The following XKR4 variants were observed in gnomAD, a reference collection of about 807,000 sequenced individuals.
The protein encoded by XKR4 is XK-related protein 4.
XKR4 carries 12 observed loss-of-function variants against 53.9 expected under a neutral mutation model. The ratio of observed to expected loss-of-function variants is 0.22; its 90% confidence interval spans 0.14 to 0.36. The LOEUF is 0.36. Ranked by LOEUF, XKR4 falls within the 10% of genes least tolerant of loss-of-function variation. The probability of loss-of-function intolerance (pLI) is 1.00; values close to 1 mark genes in which losing one functional copy is unlikely to be tolerated. For missense variants in XKR4, 799 were observed against 859.5 expected, an observed-to-expected ratio of 0.93 and a Z score of 0.88; for synonymous variants, 354 against 362.4, an observed-to-expected ratio of 0.98 and a Z score of 0.26.
intron 1 of XKR4, among the ~76,000 whole-genome samples, chr8:55,303,448 C>G (rs1819237071): frequency 6.6e-6 from 1 of 152,142 alleles, no homozygotes; most frequent in African/African-American, 2.4e-5. Flanking sequence ...GGATATTGGT[C>G]TAAAATTCTC....
intron 1 of XKR4, 106 bp downstream of exon 1, chr8:55,103,400 G>T: frequency 6.8e-7 from 1 of 1,480,404 alleles, no homozygotes; most frequent in Non-Finnish European, 8.9e-7. Flanking sequence ...AGTAACCCTA[G>T]TCACACTCTT....
chr8:55,254,052 C>T (rs1585969167), intron 1 of XKR4, among the ~76,000 whole-genome samples: 1 of 152,088 alleles, frequency 6.6e-6, no homozygotes, highest in Admixed American at 6.5e-5. Flanking sequence ...CTTGCCTCTC[C>T]TCTCTGTCTT....
At chr8:55,329,107 T>C (rs556288173) in intron 1 of XKR4, among the ~76,000 whole-genome samples, 1 of 152,264 alleles carries the variant, frequency 6.6e-6, no homozygotes, top group Admixed American at 6.5e-5. Context: ...TAGTGTTGTG[T>C]TTTCTTTTCA....
intron 1 of XKR4, among the ~76,000 whole-genome samples, chr8:55,180,173 G>A (rs936187799): frequency 3.9e-5 from 6 of 152,316 alleles, no homozygotes; most frequent in African/African-American, 1.2e-4. Context: ...GTCGGAGGTA[G>A]TTTATAATGA....
chr8:55,433,916 G>A (rs375447527), intron 2 of XKR4, among the ~76,000 whole-genome samples: 14 of 152,240 alleles, frequency 9.2e-5, no homozygotes, highest in East Asian at 3.9e-4. Context: ...CTTGTAGTCC[G>A]AGCTACTCAG....
At chr8:55,449,100 T>C (rs907995639) in intron 2 of XKR4, among the ~76,000 whole-genome samples, 7 of 151,236 alleles carry the variant, frequency 4.6e-5, no homozygotes, top group Non-Finnish European at 7.4e-5. Context: ...AAAAAAAACA[T>C]ATAAAATTGT....
chr8:55,197,574 C>CGCTCT (rs1554568777), intron 1 of XKR4, among the ~76,000 whole-genome samples: 2 of 148,398 alleles, frequency 1.3e-5, no homozygotes, highest in Non-Finnish European at 3.0e-5. Context: ...GACAGAGTCT[C>CGCTCT]GCTCTGTCAC....
At chr8:55,508,557 G>C (rs926330551) in intron 2 of XKR4, among the ~76,000 whole-genome samples, 1 of 152,180 alleles carries the variant, frequency 6.6e-6, no homozygotes, top group African/African-American at 2.4e-5. Context: ...GTGGGGAGAG[G>C]ACAGGATAGG....
chr8:55,464,131 C>T (rs1805715227), intron 2 of XKR4, among the ~76,000 whole-genome samples: 1 of 152,152 alleles, frequency 6.6e-6, no homozygotes, highest in Non-Finnish European at 1.5e-5. Flanking sequence ...TTTTATGTGG[C>T]CAGGATCATC....
At chr8:55,187,305 CAAAAAAAAAA>C (rs1168014848) in intron 1 of XKR4, among the ~76,000 whole-genome samples, 2 of 95,870 alleles carry the variant, frequency 2.1e-5, no homozygotes, top group Admixed American at 1.2e-4. Flanking sequence ...TTTCCAGGAC[CAAAAAAAAAA>C]AAAAAAAAAA....
At chr8:55,239,654 A>G (rs1818180880) in intron 1 of XKR4, among the ~76,000 whole-genome samples, 1 of 152,132 alleles carries the variant, frequency 6.6e-6, no homozygotes, top group Non-Finnish European at 1.5e-5. Flanking sequence ...TTCTCATGTG[A>G]GGTGTTCCCA....
intron 1 of XKR4, among the ~76,000 whole-genome samples, chr8:55,212,485 A>T (rs1817744189): frequency 6.6e-6 from 1 of 152,160 alleles, no homozygotes; most frequent in Non-Finnish European, 1.5e-5. Context: ...TGTTAATGTT[A>T]ATGCTGGTCA....
intron 2 of XKR4, among the ~76,000 whole-genome samples, chr8:55,444,629 A>G (rs1805318914): frequency 6.6e-6 from 1 of 152,248 alleles, no homozygotes; most frequent in African/African-American, 2.4e-5. Flanking sequence ...TATACATCAA[A>G]ATCATTTTCA....
At chr8:55,457,159 T>TTTTTTTTTG (rs1457324017) in intron 2 of XKR4, among the ~76,000 whole-genome samples, 1 of 150,800 alleles carries the variant, frequency 6.6e-6, no homozygotes, top group Non-Finnish European at 1.5e-5. Flanking sequence ...TTTTTTTTTT[T>TTTTTTTTTG]TGAGACTGAG....
At chr8:55,468,969 C>T (rs138814009) in intron 2 of XKR4, among the ~76,000 whole-genome samples, 2 of 152,244 alleles carry the variant, frequency 1.3e-5, no homozygotes, top group Non-Finnish European at 2.9e-5. Context: ...CTCTTGCTAT[C>T]CCTCTCGAAC....
chr8:55,103,976 T>C (rs1816102062), intron 1 of XKR4, among the ~76,000 whole-genome samples: 1 of 151,196 alleles, frequency 6.6e-6, no homozygotes, highest in East Asian at 1.9e-4. Context: ...AATATCTCCA[T>C]ATCTAATTTC....
At chr8:55,266,218 A>C (rs553206495) in intron 1 of XKR4, among the ~76,000 whole-genome samples, 5 of 151,750 alleles carry the variant, frequency 3.3e-5, no homozygotes, top group African/African-American at 1.2e-4. Flanking sequence ...ACATGGGAGC[A>C]GGTATGAGGC....
Position 55,531,514 on chromosome 8 carries a change from A to C in XKR4, c.*7287A>C, listed in dbSNP as rs546596267. ...AAAGTAACAATACAAATACAAAAAA[A>C]AAACTAGATGACTGCTTATAAAGAG... On this transcript the variant is annotated 3_prime_UTR_variant, in exon 3 of 3. Transcript: ENST00000327381. 6.6e-6 allele frequency: 1 copy of C among 152,314 alleles called. No homozygotes were observed. Among genetic ancestry groups the C allele is most frequent in the Admixed American group, 6.5e-5 (1 of 15,296 alleles). The allele number at this position is 152,314 out of a possible 1,614,324, so 9.4% of individuals were successfully genotyped here. A position where few individuals can be genotyped will look rare whatever the true frequency, so the allele number is the denominator to read the frequency against.
intron 1 of XKR4, among the ~76,000 whole-genome samples, chr8:55,220,849 G>A (rs919051490): frequency 6.6e-6 from 1 of 152,186 alleles, no homozygotes; most frequent in East Asian, 1.9e-4. Context: ...TCTTTTAAAT[G>A]AGGACATTAA....
Sources: gnomAD v4.1 joint callset for allele counts (sites outside exome capture counted in the v4.1 genomes callset) on GRCh38, gnomAD v4.1.1 for gene constraint, MANE v1.5 for transcripts, NCBI Gene and HGNC (gene_info 2026-07-23, HGNC 2026-07-21) for gene names.